Variants in MAGI2 observed in about 807,000 individuals in gnomAD.
MAGI2 encodes the protein membrane associated guanylate kinase, WW and PDZ domain containing 2.
Under a neutral mutation model 133.3 loss-of-function variants are expected in MAGI2, and 35 were observed. The observed-to-expected ratio is 0.26, with a 90% confidence interval of 0.20 to 0.35. The LOEUF (loss-of-function observed/expected upper bound fraction) is 0.35, where lower values mean the gene tolerates loss of function less well. MAGI2 is among the 10% of genes least tolerant of loss of function. The probability of loss-of-function intolerance (pLI) is 1.00; values close to 1 mark genes in which losing one functional copy is unlikely to be tolerated. For missense variants in MAGI2, 1,636 were observed against 1,863.4 expected (o/e 0.88, Z 2.25); for synonymous variants, 729 against 710.6 (o/e 1.03, Z -0.41).
chr7:78,458,289 G>A lies in MAGI2; in HGVS notation c.1045+31472C>T, dbSNP rs1203340465. On this transcript the variant is annotated intron_variant, in intron 6 of 21. Transcript: ENST00000354212. ...CCAGCCTGGAGACAGGGCAAAACTC[G>A]GTCTCAAAAAAAAAAAAAAAGAATA... Among the ~76,000 whole-genome samples the A allele has an allele frequency of 1.0e-3, 47 of 47,058 alleles. No homozygotes were observed. In the Admixed American group the frequency reaches 0.014, roughly 14 times the overall value. 30.9% of individuals were successfully genotyped at this position (47,058 alleles called of 152,430 possible). A position where few individuals can be genotyped will look rare whatever the true frequency, so the allele number is the denominator to read the frequency against.
At chr7:79,307,344 T>C (rs766990399) in intron 1 of MAGI2, among the ~76,000 whole-genome samples, 46 of 152,180 alleles carry the variant, frequency 3.0e-4, no homozygotes, top group Non-Finnish European at 5.4e-4. Context: ...AACTTCTTAA[T>C]TGCTAACCAG....
intron 20 of MAGI2, among the ~76,000 whole-genome samples, chr7:78,093,835 C>T (rs62461184): frequency 0.12 from 18,665 of 152,076 alleles, 1,383 homozygotes; most frequent in Middle Eastern, 0.19. Flanking sequence ...TTGTGAACCA[C>T]CCAAATGAAA....
chr7:78,643,738 G>T (rs1009862633), intron 2 of MAGI2, among the ~76,000 whole-genome samples: 11 of 152,054 alleles, frequency 7.2e-5, no homozygotes, highest in South Asian at 6.2e-4. Context: ...TGGCACAAGG[G>T]GTGGGGGATG....
In MAGI2 at chr7:79,001,207, G is replaced by T. The variant is rs184744595; in HGVS notation, c.418+5883C>A. On this transcript the variant is annotated intron_variant, in intron 2 of 21. Coordinates refer to ENST00000354212, the MANE Select transcript of MAGI2 (RefSeq NM_012301.4). Reference sequence around the variant, plus strand: ...TGGGATTACAGGCGTGAGCCACCATGCCCGGCCACTTTATTCACTTTTTAT... The same window carrying T: ...TGGGATTACAGGCGTGAGCCACCATTCCCGGCCACTTTATTCACTTTTTAT... 2.3e-3 allele frequency among the ~76,000 whole-genome samples: 352 copies of T among 152,278 alleles called. 1 individual carries two copies. The highest frequency in any genetic ancestry group is 8.3e-3 in the African/African-American group (344 of 41,554).
At chr7:78,874,810 G>C (rs542952107) in intron 2 of MAGI2, among the ~76,000 whole-genome samples, 93 of 152,252 alleles carry the variant, frequency 6.1e-4, no homozygotes, top group African/African-American at 2.2e-3. Context: ...AATGGTTGAA[G>C]TAACGGATAG....
chr7:78,875,823 T>TA (rs1795375212), intron 2 of MAGI2, among the ~76,000 whole-genome samples: 1 of 152,084 alleles, frequency 6.6e-6, no homozygotes, highest in East Asian at 1.9e-4. Context: ...TTAAAATGTT[T>TA]AAAAATATGA....
At position 78,811,279 on chromosome 7, in the gene MAGI2, GA is replaced by G. The variant is rs1789019608; in HGVS notation, c.419-184041del. ...TGCTGTTTGCTGTTAATGATTTGGA[GA>G]AAAAGTAACTTTTGTATTTTAATTT... On this transcript the variant is annotated intron_variant, in intron 2 of 21. Coordinates refer to ENST00000354212, the MANE Select transcript of MAGI2 (RefSeq NM_012301.4). Among the ~76,000 whole-genome samples, 15 of 152,098 alleles carry G rather than the reference GA, an allele frequency of 9.9e-5. No homozygotes were observed. The South Asian group carries it at 3.1e-3, about 32-fold the overall frequency.
At chr7:78,766,725 T>C (rs1373114486) in intron 2 of MAGI2, among the ~76,000 whole-genome samples, 1 of 152,224 alleles carries the variant, frequency 6.6e-6, no homozygotes, top group Non-Finnish European at 1.5e-5. Context: ...ATCACACTTA[T>C]TGAATTTGAT....
intron 2 of MAGI2, among the ~76,000 whole-genome samples, chr7:78,666,422 T>C (rs994319664): frequency 6.6e-6 from 1 of 151,118 alleles, no homozygotes; most frequent in Admixed American, 6.6e-5. Context: ...TGTTTGGGGG[T>C]TTTTCTATTT....
chr7:78,632,417 A>G (rs1389357606), intron 2 of MAGI2, among the ~76,000 whole-genome samples: 1 of 152,170 alleles, frequency 6.6e-6, no homozygotes, highest in African/African-American at 2.4e-5. Flanking sequence ...CCTGAAGGGG[A>G]GCAGAGACCC....
In MAGI2 at chr7:79,178,304, A is replaced by G. The variant is rs561802991; in HGVS notation, c.302-171098T>C. Among the ~76,000 whole-genome samples the G allele has an allele frequency of 3.3e-5, 5 of 152,132 alleles. 1 individual carries two copies. Among genetic ancestry groups the G allele is most frequent in the African/African-American group, 1.2e-4 (5 of 41,450 alleles). On this transcript the variant is annotated intron_variant, in intron 1 of 21. Transcript: ENST00000354212. ...TACGTTCTAGCACTGATGGTATGGA[A>G]TTACAGTCTGTGAAAAAGTTAGCTA...
chr7:79,439,437 G>T (rs78595318), intron 1 of MAGI2, among the ~76,000 whole-genome samples: 3,407 of 148,692 alleles, frequency 0.023, 103 homozygotes, highest in East Asian at 0.12. Flanking sequence ...TAAGTCTTCA[G>T]ACTCCAAGAT....
intron 6 of MAGI2, among the ~76,000 whole-genome samples, chr7:78,390,324 A>G (rs1209479889): frequency 1.3e-5 from 2 of 152,224 alleles, no homozygotes; most frequent in Admixed American, 6.5e-5. Context: ...GTTTGTTTCC[A>G]TTTCTCCTTT....
chr7:78,071,441 G>A (rs1814687427), intron 21 of MAGI2, among the ~76,000 whole-genome samples: 1 of 152,206 alleles, frequency 6.6e-6, no homozygotes, highest in African/African-American at 2.4e-5. Context: ...GGAGGCTGAA[G>A]CAGGAGGATC....
At chr7:78,435,373 C>A (rs547603997) in intron 6 of MAGI2, among the ~76,000 whole-genome samples, 2 of 152,154 alleles carry the variant, frequency 1.3e-5, no homozygotes, top group Non-Finnish European at 2.9e-5. Context: ...TCACTCTTCA[C>A]GTCTGTGAAG....
chr7:79,295,297 T>C (rs1836843740), intron 1 of MAGI2, among the ~76,000 whole-genome samples: 1 of 152,054 alleles, frequency 6.6e-6, no homozygotes, highest in South Asian at 2.1e-4. Flanking sequence ...AAGACCAGAG[T>C]TCAGATAGTG....
intron 1 of MAGI2, among the ~76,000 whole-genome samples, chr7:79,145,178 T>A (rs771099980): frequency 1.3e-5 from 2 of 152,166 alleles, no homozygotes; most frequent in African/African-American, 4.8e-5. Flanking sequence ...CCTCTGAACA[T>A]TGCTTGATTT....
rs892981272 is a variant in MAGI2 at position 78,537,835 on chromosome 7, G to C, written c.539-16190C>G. ...CTGATTTTTATTTTGCTGTGTAGAAGCTTTTTAGTTTAATTAAGTGCCATC... is the reference window on the plus strand; with the variant it reads ...CTGATTTTTATTTTGCTGTGTAGAACCTTTTTAGTTTAATTAAGTGCCATC... On this transcript the variant is annotated intron_variant, in intron 3 of 21. Coordinates refer to ENST00000354212, the MANE Select transcript of MAGI2 (RefSeq NM_012301.4). 3.3e-5 allele frequency among the ~76,000 whole-genome samples: 5 copies of C among 151,966 alleles called. 1 individual carries two copies. In the South Asian group the frequency reaches 6.2e-4, roughly 19 times the overall value.
chr7:78,752,190 A>G (rs1052671298), intron 2 of MAGI2, among the ~76,000 whole-genome samples: 2 of 152,258 alleles, frequency 1.3e-5, no homozygotes, highest in Non-Finnish European at 2.9e-5. Flanking sequence ...CTAAAGAAGT[A>G]GCAGTTGCTT....
Sources: gnomAD v4.1 joint callset for allele counts (sites outside exome capture counted in the v4.1 genomes callset) on GRCh38, gnomAD v4.1.1 for gene constraint, MANE v1.5 for transcripts, NCBI Gene and HGNC (gene_info 2026-07-23, HGNC 2026-07-21) for gene names.